Variants in EXOC4 observed in about 807,000 individuals in gnomAD.
The protein encoded by EXOC4 is exocyst complex component 4.
Under a neutral mutation model 107.2 loss-of-function variants are expected in EXOC4, and 71 were observed. The ratio of observed to expected loss-of-function variants is 0.66; its 90% CI spans 0.55 to 0.81. The LOEUF is 0.81. EXOC4 is among the 30% of genes least tolerant of loss of function. EXOC4 has a pLI of 0.00. For missense variants in EXOC4, 1,108 were observed against 1,189.6 expected, an observed-to-expected ratio of 0.93 and a Z score of 1.01; for synonymous variants, 456 against 441.2, an observed-to-expected ratio of 1.03 and a Z score of -0.42.
At chr7:133,791,971 G>A (rs994190420) in intron 10 of EXOC4, among the ~76,000 whole-genome samples, 5 of 152,082 alleles carry the variant, frequency 3.3e-5, no homozygotes, top group African/African-American at 9.7e-5. Context: ...TTTTTCACAC[G>A]CAGATGAGAC....
At chr7:133,900,489 G>A (rs914332643) in intron 12 of EXOC4, among the ~76,000 whole-genome samples, 13 of 152,206 alleles carry the variant, frequency 8.5e-5, no homozygotes, top group African/African-American at 2.9e-4. Context: ...GGAGGATCGC[G>A]AATGTCAGAC....
At chr7:133,993,379 G>A (rs1794306393) in intron 14 of EXOC4, among the ~76,000 whole-genome samples, 1 of 152,154 alleles carries the variant, frequency 6.6e-6, no homozygotes, top group Admixed American at 6.5e-5. Context: ...TCAAAGAGTA[G>A]CTCAGGGAAT....
At chr7:133,936,229 A>G (rs12707131) in intron 13 of EXOC4, among the ~76,000 whole-genome samples, 65,146 of 151,950 alleles carry the variant, frequency 0.43, 14,541 homozygotes, top group South Asian at 0.62. Context: ...CTCAACATCA[A>G]CTGTGACGTT....
chr7:134,082,536 G>T, the EXOC4 span, among the ~76,000 whole-genome samples: 1 of 152,198 alleles, frequency 6.6e-6, no homozygotes, highest in African/African-American at 2.4e-5. Context: ...CACCTCCCAG[G>T]TTCAAGCAAT....
intron 1 of EXOC4, among the ~76,000 whole-genome samples, chr7:133,272,976 G>T (rs1460684894): frequency 6.6e-6 from 1 of 152,184 alleles, no homozygotes; most frequent in Non-Finnish European, 1.5e-5. Flanking sequence ...TCCACAAATG[G>T]TAGTGGAGCG....
intron 7 of EXOC4, among the ~76,000 whole-genome samples, chr7:133,383,596 AGTACTGATCCTT>A (rs1357003728): frequency 6.6e-6 from 1 of 152,192 alleles, no homozygotes; most frequent in Non-Finnish European, 1.5e-5. Flanking sequence ...CAAAATTATT[AGTACTGATCCTT>A]GACCTGGAGG....
Position 133,606,179 on chromosome 7 carries a change from C to G in EXOC4, c.1418-23866C>G, listed in dbSNP as rs534218066. Among the ~76,000 whole-genome samples the G allele has an allele frequency of 1.2e-4, 19 of 152,238 alleles. No individual in the cohort carries two copies. In the East Asian group the frequency reaches 3.7e-3, roughly 30 times the overall value. ...GTGCATATTCCTGACCATTCCCATG[C>G]TCCTAATCCCCTACAAGTCTTCTGG... On this transcript the variant is annotated intron_variant, in intron 9 of 17. Coordinates refer to ENST00000253861, the MANE Select transcript of EXOC4 (RefSeq NM_021807.4).
chr7:133,883,767 G>A (rs1799018398), intron 11 of EXOC4, among the ~76,000 whole-genome samples: 1 of 152,204 alleles, frequency 6.6e-6, no homozygotes, highest in Non-Finnish European at 1.5e-5. Flanking sequence ...TCTGCGTTCA[G>A]GGTGGAGGCT....
downstream of EXOC4, among the ~76,000 whole-genome samples, chr7:134,069,864 G>C (rs1438758064): frequency 3.9e-5 from 6 of 152,128 alleles, no homozygotes; most frequent in African/African-American, 1.4e-4. Flanking sequence ...TTACTTTGGT[G>C]TGTAGCTGTG....
At chr7:133,450,183 T>A (rs552479784) in intron 7 of EXOC4, among the ~76,000 whole-genome samples, 54 of 152,280 alleles carry the variant, frequency 3.5e-4, no homozygotes, top group South Asian at 6.2e-4. Flanking sequence ...TATTATTATT[T>A]TTTTTTTGAG....
chr7:133,803,973 T>C (rs1230932091), intron 10 of EXOC4, among the ~76,000 whole-genome samples: 3 of 152,186 alleles, frequency 2.0e-5, no homozygotes, highest in Non-Finnish European at 4.4e-5. Flanking sequence ...GTTAGTTCAC[T>C]TTTGATGTGA....
At chr7:133,969,245 C>T (rs1801144368) in intron 14 of EXOC4, among the ~76,000 whole-genome samples, 2 of 152,056 alleles carry the variant, frequency 1.3e-5, no homozygotes, top group East Asian at 3.9e-4. Flanking sequence ...TTCCTCTAAC[C>T]TTTTTCAAGG....
At chr7:133,537,306 C>CA (rs1329942552) in intron 9 of EXOC4, among the ~76,000 whole-genome samples, 4,295 of 147,816 alleles carry the variant, frequency 0.029, 154 homozygotes, top group Middle Eastern at 0.028. Flanking sequence ...ACCCCCCCCC[C>CA]CACCACACCT....
chr7:133,923,668 A>G (rs954615199), intron 13 of EXOC4, among the ~76,000 whole-genome samples: 6 of 152,228 alleles, frequency 3.9e-5, no homozygotes, highest in African/African-American at 1.4e-4. Flanking sequence ...TTTGAGATAG[A>G]CAGATAGACC....
At chr7:133,823,912 AATATATAT>A (rs1563015185) in intron 11 of EXOC4, among the ~76,000 whole-genome samples, 1 of 19,628 alleles carries the variant, frequency 5.1e-5, no homozygotes, top group Non-Finnish European at 8.1e-5. Context: ...TATATATATA[AATATATAT>A]ATAAATTATA....
intron 7 of EXOC4, among the ~76,000 whole-genome samples, chr7:133,438,545 A>T (rs1020034977): frequency 6.6e-6 from 1 of 152,070 alleles, no homozygotes; most frequent in Non-Finnish European, 1.5e-5. Flanking sequence ...AATCGTCTGG[A>T]ATGCTTGTTA....
intron 9 of EXOC4, among the ~76,000 whole-genome samples, chr7:133,625,314 A>T (rs1266452159): frequency 6.6e-6 from 1 of 152,238 alleles, no homozygotes; most frequent in Non-Finnish European, 1.5e-5. Context: ...CATCACCACA[A>T]GTCTTTGAAA....
At chr7:133,965,674 A>G (rs2953630) in intron 14 of EXOC4, among the ~76,000 whole-genome samples, 109,686 of 151,300 alleles carry the variant, frequency 0.72, 40,448 homozygotes, top group East Asian at 0.91. Flanking sequence ...GTTCTGTTCC[A>G]TTGGTCTATA....
At chr7:134,081,080 T>A in the EXOC4 span, among the ~76,000 whole-genome samples, 3 of 152,150 alleles carry the variant, frequency 2.0e-5, no homozygotes, top group African/African-American at 7.2e-5. Flanking sequence ...TGGTGGCTCA[T>A]GCCTGTAATC....
Sources: gnomAD v4.1 joint callset for allele counts (sites outside exome capture counted in the v4.1 genomes callset) on GRCh38, gnomAD v4.1.1 for gene constraint, MANE v1.5 for transcripts, NCBI Gene and HGNC (gene_info 2026-07-23, HGNC 2026-07-21) for gene names.